Variants in SOCS6 observed in about 807,000 individuals in gnomAD.
SOCS6 encodes suppressor of cytokine signaling 6, also known as STAT induced STAT inhibitor-4.
SOCS6 carries 5 observed loss-of-function variants against 27.7 expected under a neutral mutation model. The observed-to-expected ratio is 0.18, with a 90% CI of 0.09 to 0.38. The LOEUF (loss-of-function observed/expected upper bound fraction) is 0.38. Among genes scored for constraint, SOCS6 ranks in the 10% least tolerant of loss-of-function variants. The pLI is 1.00. For missense variants in SOCS6, 595 were observed against 688.1 expected, an observed-to-expected ratio of 0.86 and a Z score of 1.51; for synonymous variants, 271 against 260.0, an observed-to-expected ratio of 1.04 and a Z score of -0.41.
chr18:70,324,651 A>G lies in SOCS6; in HGVS notation c.-18A>G. The G allele has an allele frequency of 6.7e-7, 1 of 1,491,048 alleles. No homozygotes were observed. The highest frequency in any genetic ancestry group is 9.2e-7 in the Non-Finnish European group (1 of 1,091,742). 92.4% of individuals were successfully genotyped at this position (1,491,048 alleles called of 1,614,324 possible). A position where few individuals can be genotyped will look rare whatever the true frequency, so the allele number is the denominator to read the frequency against. The stretch of plus-strand genomic sequence containing the variant: ...CCAGATAGAAATATTGATCCCTTGG[A>G]TTAGGTAACTAGTCATAATGAAGAA... On this transcript the variant is annotated 5_prime_UTR_variant, in exon 2 of 2. Coordinates refer to ENST00000397942, the MANE Select transcript of SOCS6 (RefSeq NM_004232.4).
In SOCS6 at chr18:70,325,934, T is replaced by TC; in HGVS notation, c.1267dup (p.Arg423ProfsTer5). The stretch of plus-strand genomic sequence containing the variant: ...ACCGTTACCTTTTAAGCTTGAGCTT[T>TC]CGCTCCCATGGTAAAACACTTCACA... On this transcript the variant is annotated frameshift_variant, in exon 2 of 2. Coordinates refer to ENST00000397942, the MANE Select transcript of SOCS6 (RefSeq NM_004232.4). LOFTEE classifies it high-confidence loss of function. This position sits in a 1 kb window ranked among gnomAD's most constrained non-coding sequence, Gnocchi z 6.3. 1 of 1,614,270 alleles carries TC rather than the reference T, an allele frequency of 6.2e-7. No homozygotes were observed. Among genetic ancestry groups the TC allele is most frequent in the Non-Finnish European group, 8.5e-7 (1 of 1,180,042 alleles).
intron 1 of SOCS6, among the ~76,000 whole-genome samples, chr18:70,321,565 C>G (rs543496566): frequency 6.7e-6 from 1 of 149,716 alleles, no homozygotes; most frequent in Non-Finnish European, 1.5e-5. Context: ...AACTCCTGAC[C>G]TCAGGTGATC....
At chr18:70,302,437 AT>A (rs2062352462) in intron 1 of SOCS6, among the ~76,000 whole-genome samples, 1 of 152,136 alleles carries the variant, frequency 6.6e-6, no homozygotes, top group Admixed American at 6.5e-5. Context: ...TCCAGACAGC[AT>A]TAAGGACCCA....
In SOCS6 at chr18:70,325,535, G is replaced by A. The variant is rs199950794; in HGVS notation, c.867G>A (p.Leu289=). Residue 289 remains leucine, a synonymous_variant, in exon 2 of 2, where the codon TTG becomes TTA. Transcript: ENST00000397942. The surrounding 1 kb of genome is among the most constrained non-coding windows in gnomAD (Gnocchi z 6.3). The stretch of plus-strand genomic sequence containing the variant: ...TGGATCAGTCCGTGAATGGCTTGTT[G>A]ATTGGCACCACGGGAGTCATGTTGC... The part of the protein sequence containing the change: ...IFVDQSVNGL[L]IGTTGVMLQS... The A allele has an allele frequency of 3.3e-5, 54 of 1,614,144 alleles. No homozygotes were observed. In the Admixed American group the frequency reaches 3.8e-4, roughly 11 times the overall value.
chr18:70,308,498 A>G (rs140086400), intron 1 of SOCS6, among the ~76,000 whole-genome samples: 2 of 152,280 alleles, frequency 1.3e-5, no homozygotes, highest in East Asian at 3.9e-4. Flanking sequence ...CTGGGATTAC[A>G]GGTGTGAGTC....
chr18:70,305,164 C>CT, intron 1 of SOCS6, among the ~76,000 whole-genome samples: 1 of 151,776 alleles, frequency 6.6e-6, no homozygotes, highest in South Asian at 2.1e-4. Context: ...GCCGAGATCG[C>CT]GCCACTGCAC....
chr18:70,326,382 T>A lies in SOCS6; in HGVS notation c.*106T>A. On this transcript the variant is annotated 3_prime_UTR_variant, in exon 2 of 2. Transcript: ENST00000397942. ...AAAATCTTTTGCTGCCATAACTATT[T>A]CAGTTTTATGTGTAAAAGAGTCATC... 1.0e-6 allele frequency: 1 copy of A among 975,808 alleles called. No homozygotes were observed. Among genetic ancestry groups the A allele is most frequent in the Non-Finnish European group, 1.5e-6 (1 of 650,394 alleles). 60.4% of individuals were successfully genotyped at this position (975,808 alleles called of 1,614,324 possible). A position where few individuals can be genotyped will look rare whatever the true frequency, so the allele number is the denominator to read the frequency against.
chr18:70,317,483 TACATATATAC>T (rs1186143345), intron 1 of SOCS6, among the ~76,000 whole-genome samples: 17 of 148,688 alleles, frequency 1.1e-4, no homozygotes, highest in Admixed American at 1.1e-3. Flanking sequence ...CATATATACA[TACATATATAC>T]ACATATATAC....
At position 70,306,878 on chromosome 18, in the gene SOCS6, T is replaced by A. The variant is rs991047288; in HGVS notation, c.-126-17665T>A. ...AGTATGCTGTAGTGCATCAATTGGT[T>A]ATTGATGTTAAACCAACCTGGATAA... On this transcript the variant is annotated intron_variant, in intron 1 of 1. Coordinates refer to ENST00000397942, the MANE Select transcript of SOCS6 (RefSeq NM_004232.4). Among the ~76,000 whole-genome samples the A allele has an allele frequency of 2.0e-5, 3 of 152,338 alleles. No homozygotes were observed. The East Asian group carries it at 5.8e-4, about 29-fold the overall frequency.
At chr18:70,307,071 T>C (rs941563638) in intron 1 of SOCS6, among the ~76,000 whole-genome samples, 2 of 152,160 alleles carry the variant, frequency 1.3e-5, no homozygotes, top group African/African-American at 4.8e-5. Context: ...TAGACAAGCT[T>C]GGGCAACATA....
intron 1 of SOCS6, chr18:70,296,569 G>A (rs2062323554): frequency 6.6e-6 from 1 of 152,292 alleles, no homozygotes; most frequent in South Asian, 2.1e-4. Context: ...TGAACTGTCA[G>A]TGGGGGTCAT....
intron 1 of SOCS6, among the ~76,000 whole-genome samples, chr18:70,319,230 C>A (rs556215072): frequency 6.6e-6 from 1 of 151,976 alleles, no homozygotes; most frequent in Non-Finnish European, 1.5e-5. Flanking sequence ...GGTTTAGGAG[C>A]GGTGGAGTAG....
rs2146295944 is a variant in SOCS6 at position 70,322,733 on chromosome 18, T to C, written c.-126-1810T>C. The stretch of plus-strand genomic sequence containing the variant: ...TTTTACAACTTATTCAGAAACATAG[T>C]ACATGACAGTAGACTTTTAAAAATT... On this transcript the variant is annotated intron_variant, in intron 1 of 1. Transcript: ENST00000397942. 2.0e-5 allele frequency among the ~76,000 whole-genome samples: 3 copies of C among 152,354 alleles called. No individual in the cohort carries two copies. The South Asian group carries it at 6.2e-4, about 32-fold the overall frequency.
intron 1 of SOCS6, among the ~76,000 whole-genome samples, chr18:70,317,340 A>G (rs1043044313): frequency 3.9e-5 from 6 of 152,144 alleles, no homozygotes; most frequent in Admixed American, 3.9e-4. Context: ...CTTCACTTAG[A>G]ATGGAAGTTA....
intron 1 of SOCS6, among the ~76,000 whole-genome samples, chr18:70,319,122 A>G (rs1910883281): frequency 1.3e-5 from 2 of 152,066 alleles, no homozygotes; most frequent in South Asian, 2.1e-4. Flanking sequence ...GGTCTGTTCT[A>G]TTCTTTCTTT....
intron 1 of SOCS6, among the ~76,000 whole-genome samples, chr18:70,310,456 AT>A (rs1052758783): frequency 1.7e-5 from 2 of 117,194 alleles, no homozygotes; most frequent in African/African-American, 6.5e-5. Context: ...TAATTTTCTA[AT>A]TTTTTGTGGG....
chr18:70,324,807 T>A lies in SOCS6; in HGVS notation c.139T>A (p.Tyr47Asn). 1 of 1,614,124 alleles carries A rather than the reference T, an allele frequency of 6.2e-7. No individual in the cohort carries two copies. The highest frequency in any genetic ancestry group is 1.1e-5 in the South Asian group (1 of 91,078). ...AGATGATTCCTTATTTGGTAGCTGC[T>A]ATGGTAAAGATATGGCCAGCTGCGA... is the stretch of plus-strand genomic sequence containing the variant. ...GKDDSLFGSC[Y>N]GKDMASCDIN... The change falls in exon 2 of 2, where the codon TAT becomes AAT. Residue 47 changes from tyrosine (Y) to asparagine (N), a missense_variant. Around this residue, in one of 2 missense-constraint regions of SOCS6, gnomAD observed 467 missense variants for 481.1 expected, o/e 0.97. Transcript: ENST00000397942.
Position 70,325,659 on chromosome 18 carries a change from G to T in SOCS6, c.991G>T (p.Gly331Cys). 6.2e-7 allele frequency: 1 copy of T among 1,614,214 alleles called. No homozygotes were observed. The highest frequency in any genetic ancestry group is 8.5e-7 in the Non-Finnish European group (1 of 1,180,044). The change falls in exon 2 of 2, where the codon GGC (glycine) becomes TGC (cysteine). Residue 331 changes from glycine (G) to cysteine (C), a missense_variant. Around this residue, in one of 2 missense-constraint regions of SOCS6, gnomAD observed 467 missense variants for 481.1 expected, o/e 0.97. Transcript: ENST00000397942. The surrounding 1 kb of genome is among the most constrained non-coding windows in gnomAD (Gnocchi z 6.3). ...CCAAAGGAACTTCAGTGGACTCACT[G>T]GCACAGAAGCCCACGTGGCTGAAAG... is the stretch of plus-strand genomic sequence containing the variant. ...QIQRNFSGLT[G>C]TEAHVAESMR...
chr18:70,318,938 C>CA (rs891227748), intron 1 of SOCS6, among the ~76,000 whole-genome samples: 11 of 141,336 alleles, frequency 7.8e-5, no homozygotes, highest in South Asian at 2.2e-4. Context: ...TTCCGTCTCA[C>CA]AAAAAAAAGA....
Sources: gnomAD v4.1 joint callset for allele counts (sites outside exome capture counted in the v4.1 genomes callset) on GRCh38, gnomAD v4.1.1 for gene constraint, gnomAD v4.1.1 regional missense constraint, Gnocchi (gnomAD v3.1) non-coding constraint, MANE v1.5 for transcripts, NCBI Gene and HGNC (gene_info 2026-07-23, HGNC 2026-07-21) for gene names.